The following CENATAC variants were observed in gnomAD, a reference collection of about 807,000 sequenced individuals.
CENATAC encodes coiled-coil domain containing 84.
A neutral mutation model predicts 53.7 loss-of-function variants in CENATAC; 53 were observed. That is an observed-to-expected ratio of 0.99 (90% CI 0.79 to 1.24). The LOEUF (loss-of-function observed/expected upper bound fraction) is 1.24. Among genes scored for constraint, CENATAC ranks in the 50% most tolerant of loss-of-function variants. CENATAC has a pLI of 0.00. For missense variants in CENATAC, 474 were observed against 417.8 expected (o/e 1.13, Z -1.17); for synonymous variants, 156 against 144.6 (o/e 1.08, Z -0.57).
chr11:119,004,005 CTG>C (rs1268261131), intron 3 of CENATAC, among the ~76,000 whole-genome samples: 1 of 152,088 alleles, frequency 6.6e-6, no homozygotes, highest in African/African-American at 2.4e-5. Context: ...GTTGTCATAA[CTG>C]TAAAAAGCAG....
At chr11:119,011,899 A>G in intron 5 of CENATAC, 40 bp from the exon 6 acceptor site, 1 of 1,593,230 alleles carries the variant, frequency 6.3e-7, no homozygotes, top group Non-Finnish European at 8.6e-7. Flanking sequence ...CAGGCTCTTA[A>G]GCATCCCAGA....
intron 3 of CENATAC, among the ~76,000 whole-genome samples, chr11:119,007,044 C>T (rs1942638731): frequency 6.6e-6 from 1 of 152,190 alleles, no homozygotes; most frequent in African/African-American, 2.4e-5. Context: ...TCTTTATCAA[C>T]AGTGTGAAAA....
At chr11:119,009,349 ACTC>A (rs1199970787) in intron 3 of CENATAC, among the ~76,000 whole-genome samples, 1 of 150,658 alleles carries the variant, frequency 6.6e-6, no homozygotes, top group Non-Finnish European at 1.5e-5. Flanking sequence ...CTGGTCTTGA[ACTC>A]CTGGCCTCTT....
At chr11:119,009,109 G>T (rs1231115214) in intron 3 of CENATAC, among the ~76,000 whole-genome samples, 1 of 152,116 alleles carries the variant, frequency 6.6e-6, no homozygotes, top group Non-Finnish European at 1.5e-5. Context: ...GTGACAGTCT[G>T]ATCTTTCTTT....
chr11:118,998,471 G>A lies in CENATAC; in HGVS notation c.162G>A (p.Glu54=). The A allele has an allele frequency of 6.2e-7, 1 of 1,613,244 alleles. No homozygotes were observed. The highest frequency in any genetic ancestry group is 8.5e-7 in the Non-Finnish European group (1 of 1,179,858). The part of the protein sequence containing the change: ...ARKAIRAAQV[E]RYVPEHERCC... ...AGGCCATCCGCGCCGCTCAGGTGGAGCGCTATGTGCCCGAACACGAGCGAT... is the reference window on the plus strand; with the variant it reads ...AGGCCATCCGCGCCGCTCAGGTGGAACGCTATGTGCCCGAACACGAGCGAT... Residue 54 remains glutamate, a synonymous_variant, in exon 2 of 11, where the codon GAG becomes GAA. Transcript: ENST00000334418.
chr11:119,012,437 T>G, intron 7 of CENATAC, 183 bp downstream of exon 7: 1 of 613,356 alleles, frequency 1.6e-6, no homozygotes, highest in Non-Finnish European at 2.8e-6. Flanking sequence ...CCTATTCACA[T>G]GTATTGACAC....
Position 118,998,417 on chromosome 11 carries a change from C to T in CENATAC, c.121-13C>T, listed in dbSNP as rs1942119472. 1 of 1,612,842 alleles carries T rather than the reference C, an allele frequency of 6.2e-7. No individual in the cohort carries two copies. The highest frequency in any genetic ancestry group is 8.5e-7 in the Non-Finnish European group (1 of 1,179,792). On this transcript the variant is annotated splice_polypyrimidine_tract_variant and intron_variant, in intron 1 of 10. Coordinates refer to ENST00000334418, the MANE Select transcript of CENATAC (RefSeq NM_198489.3). ...GGTCCCCCTCGGGGTTCTACTTGGC[C>T]TCTCTGCGGCAGGTGGAGGCGGCCC...
intron 3 of CENATAC, chr11:119,001,504 GTT>G: frequency 2.4e-6 from 1 of 412,406 alleles, no homozygotes; most frequent in South Asian, 1.7e-5. Context: ...CGATTCTCCC[GTT>G]TCAGCCTGGA....
chr11:118,998,565 T>C lies in CENATAC; in HGVS notation c.256T>C (p.Tyr86His), dbSNP rs1374906177. The change falls in exon 2 of 11, where the codon TAC (tyrosine) becomes CAC (histidine). Residue 86 changes from tyrosine (Y) to histidine (H), a missense_variant. Physicochemically the swap from Tyr to His is moderately conservative, Grantham distance 83. Transcript: ENST00000334418. The stretch of plus-strand genomic sequence containing the variant: ...GAGCCATGGAAACCTGACGGTGCTG[T>C]ACGGGGGGCTGCTGGAGCATCTGGC... ...HLSHGNLTVL[Y>H]GGLLEHLASP... 1 of 1,575,580 alleles carries C rather than the reference T, an allele frequency of 6.3e-7. No homozygotes were observed. Among genetic ancestry groups the C allele is most frequent in the Admixed American group, 1.9e-5 (1 of 53,816 alleles).
chr11:119,008,927 C>T (rs1319610370), intron 3 of CENATAC, among the ~76,000 whole-genome samples: 1 of 152,146 alleles, frequency 6.6e-6, no homozygotes, highest in South Asian at 2.1e-4. Flanking sequence ...TCCCTTAAAC[C>T]TTGATTTTAT....
chr11:119,010,397 C>G (rs1031874665), intron 3 of CENATAC: 12 of 205,298 alleles, frequency 5.8e-5, no homozygotes, highest in Non-Finnish European at 9.8e-6. Flanking sequence ...AGTCTGAAGA[C>G]ATGTAAACCA....
At chr11:119,009,429 AATG>A (rs1942765588) in intron 3 of CENATAC, 1 of 152,132 alleles carries the variant, frequency 6.6e-6, no homozygotes, top group Admixed American at 6.5e-5. Context: ...GCCTGGCTTA[AATG>A]ATTTTTTAAA....
intron 9 of CENATAC, 108 bp from the exon 10 acceptor site, chr11:119,015,199 G>A: frequency 4.2e-6 from 6 of 1,445,184 alleles, no homozygotes; most frequent in Non-Finnish European, 5.7e-6. Context: ...GCTGAGGTGG[G>A]AGGGTCACTT....
chr11:119,000,190 A>C (rs1226507468), intron 3 of CENATAC, among the ~76,000 whole-genome samples: 1 of 152,244 alleles, frequency 6.6e-6, no homozygotes, highest in Non-Finnish European at 1.5e-5. Context: ...TAAAATTATC[A>C]AACCATCCTT....
chr11:119,011,396 CAG>C (rs1942862132), intron 5 of CENATAC, 113 bp downstream of exon 5: 12 of 989,902 alleles, frequency 1.2e-5, no homozygotes, highest in East Asian at 2.8e-5. Context: ...TTTTTGGAGA[CAG>C]AGTTTCGCTG....
chr11:119,015,236 G>A (rs1943103531), intron 9 of CENATAC, 71 bp from the exon 10 acceptor site: 2 of 1,513,950 alleles, frequency 1.3e-6, no homozygotes, highest in Non-Finnish European at 1.8e-6. Context: ...AAACAGCCTG[G>A]ACAACATAGT....
In CENATAC at chr11:119,015,694, AACAG is replaced by A; in HGVS notation, c.*100_*103del. ...TTCTTTATCATTGTCTTTCTTAGGA[AACAG>A]ACATACTCATTCATTTGATTTAATA... On this transcript the variant is annotated 3_prime_UTR_variant, in exon 11 of 11. Coordinates refer to ENST00000334418, the MANE Select transcript of CENATAC (RefSeq NM_198489.3). 2 of 1,365,452 alleles carry A rather than the reference AACAG, an allele frequency of 1.5e-6. No homozygotes were observed. Among genetic ancestry groups the A allele is most frequent in the East Asian group, 2.3e-5 (1 of 43,352 alleles). The allele number at this position is 1,365,452 out of a possible 1,614,324, so 84.6% of individuals were successfully genotyped here. A position where few individuals can be genotyped will look rare whatever the true frequency, so the allele number is the denominator to read the frequency against.
chr11:119,013,370 G>C, intron 8 of CENATAC, 108 bp downstream of exon 8: 1 of 753,332 alleles, frequency 1.3e-6, no homozygotes. Flanking sequence ...ATCTCAGCTC[G>C]CTGCAACCTC....
chr11:119,011,921 T>C lies in CENATAC; in HGVS notation c.514-18T>C. The C allele has an allele frequency of 6.2e-7, 1 of 1,613,308 alleles. No homozygotes were observed. On this transcript the variant is annotated intron_variant, in intron 5 of 10. Transcript: ENST00000334418. ...TTAAGCATCCCAGACACATTTATTTTTCCTGAATCAAACTCAGCCTCAGGC... is the reference window on the plus strand; with the variant it reads ...TTAAGCATCCCAGACACATTTATTTCTCCTGAATCAAACTCAGCCTCAGGC...
Sources: gnomAD v4.1 joint callset for allele counts (sites outside exome capture counted in the v4.1 genomes callset) on GRCh38, gnomAD v4.1.1 for gene constraint, MANE v1.5 for transcripts, NCBI Gene and HGNC (gene_info 2026-07-23, HGNC 2026-07-21) for gene names.